The following KAT14 variants were observed in gnomAD, a reference collection of about 807,000 sequenced individuals.
The protein encoded by KAT14 is lysine acetyltransferase 14, also known as cysteine-rich protein 2-binding protein.
Under a neutral mutation model 78.4 loss-of-function variants are expected in KAT14, and 66 were observed. That is an observed-to-expected ratio of 0.84 (90% confidence interval 0.69 to 1.03). The LOEUF (loss-of-function observed/expected upper bound fraction) is 1.03. Among genes scored for constraint, KAT14 ranks in the 50% least tolerant of loss-of-function variants. The pLI, the probability that KAT14 is intolerant of heterozygous loss-of-function variation, is 0.00. For synonymous variants in KAT14, 344 were observed against 359.4 expected, an observed-to-expected ratio of 0.96 and a Z score of 0.48; for missense variants, 870 against 972.5, an observed-to-expected ratio of 0.89 and a Z score of 1.40.
intron 1 of KAT14, among the ~76,000 whole-genome samples, chr20:18,141,607 G>A (rs941164776): frequency 2.0e-5 from 3 of 152,196 alleles, no homozygotes; most frequent in African/African-American, 7.2e-5. Context: ...AACATTGGCC[G>A]GGTGCAGTGG....
chr20:18,157,738 G>A (rs2146408313), intron 4 of KAT14, among the ~76,000 whole-genome samples: 1 of 152,232 alleles, frequency 6.6e-6, no homozygotes, highest in Non-Finnish European at 1.5e-5. Context: ...ATTTCACTTA[G>A]CATAAGTGTC....
intron 7 of KAT14, among the ~76,000 whole-genome samples, chr20:18,170,720 G>A (rs188358667): frequency 1.4e-4 from 22 of 152,156 alleles, no homozygotes; most frequent in African/African-American, 5.1e-4. Flanking sequence ...ATTTTTTTTA[G>A]TAGAGACGGG....
chr20:18,145,794 T>A (rs1395884884), intron 3 of KAT14, among the ~76,000 whole-genome samples: 2 of 151,584 alleles, frequency 1.3e-5, no homozygotes, highest in African/African-American at 2.4e-5. Context: ...AAAAAAAAAA[T>A]ATATTCACTG....
At chr20:18,146,297 G>A (rs2037822550) in intron 3 of KAT14, among the ~76,000 whole-genome samples, 1 of 152,178 alleles carries the variant, frequency 6.6e-6, no homozygotes, top group African/African-American at 2.4e-5. Flanking sequence ...CCAGCACTTT[G>A]GGAGGCGGAG....
In KAT14 at chr20:18,162,724, A is replaced by C. The variant is rs1378080435; in HGVS notation, c.1447A>C (p.Met483Leu). 2 of 1,614,242 alleles carry C rather than the reference A, an allele frequency of 1.2e-6. No individual in the cohort carries two copies. Among genetic ancestry groups the C allele is most frequent in the South Asian group, 1.1e-5 (1 of 91,092 alleles). Reference sequence around the variant, plus strand: ...GGAAGCTTGTCCCGGTGCTGTTGCCATGACTCCGGAAGCTCGGAGACTGAA... The same window carrying C: ...GGAAGCTTGTCCCGGTGCTGTTGCCCTGACTCCGGAAGCTCGGAGACTGAA... ...RLEACPGAVA[M>L]TPEARRLKRK... The change falls in exon 7 of 11, where the codon ATG becomes CTG. Residue 483 changes from methionine to leucine, a missense_variant. Transcript: ENST00000688188.
chr20:18,141,588 T>C (rs77487223), intron 1 of KAT14, among the ~76,000 whole-genome samples: 5,180 of 152,280 alleles, frequency 0.034, 153 homozygotes, highest in African/African-American at 0.077. Context: ...AATTAAACTT[T>C]AAAAATTTAA....
chr20:18,171,866 G>T (rs377310803), intron 7 of KAT14, among the ~76,000 whole-genome samples: 1 of 152,090 alleles, frequency 6.6e-6, no homozygotes, highest in Non-Finnish European at 1.5e-5. Flanking sequence ...GCATGCTTCA[G>T]TGTTGTCTTA....
At chr20:18,176,580 A>T (rs1478830730) in intron 7 of KAT14, among the ~76,000 whole-genome samples, 3 of 152,208 alleles carry the variant, frequency 2.0e-5, no homozygotes. Context: ...AACTAAGTCC[A>T]CAAGGAGGAG....
chr20:18,147,402 A>G (rs996627843), intron 3 of KAT14, among the ~76,000 whole-genome samples: 1 of 152,194 alleles, frequency 6.6e-6, no homozygotes, highest in African/African-American at 2.4e-5. Flanking sequence ...GTAGATTTGT[A>G]TTTGTCCTGC....
chr20:18,177,905 A>T (rs1035156114), intron 7 of KAT14, among the ~76,000 whole-genome samples: 1 of 152,046 alleles, frequency 6.6e-6, no homozygotes, highest in Non-Finnish European at 1.5e-5. Flanking sequence ...AAACACATAA[A>T]ATCTACCAAG....
chr20:18,163,441 T>C (rs889203777), intron 7 of KAT14, among the ~76,000 whole-genome samples: 1 of 152,216 alleles, frequency 6.6e-6, no homozygotes, highest in Admixed American at 6.5e-5. Flanking sequence ...CTGGGAACAA[T>C]TAATTCCACT....
chr20:18,161,995 ATCT>A lies in KAT14; in HGVS notation c.859_861del (p.Ser287del), dbSNP rs1317777303. On this transcript the variant is annotated inframe_deletion, in exon 6 of 11. Coordinates refer to ENST00000688188, the MANE Select transcript of KAT14 (RefSeq NM_001392073.1). ...CCGCTGGCTTTCTTGACAGGAGCAC[ATCT>A]TCTACCCCTGTAAAATTCATAAGCC... The A allele has an allele frequency of 3.1e-6, 5 of 1,614,162 alleles. No homozygotes were observed. The African/African-American group carries it at 6.7e-5, about 22-fold the overall frequency.
intron 4 of KAT14, among the ~76,000 whole-genome samples, chr20:18,156,253 G>T (rs2038222335): frequency 6.6e-6 from 1 of 152,194 alleles, no homozygotes; most frequent in Non-Finnish European, 1.5e-5. Flanking sequence ...GGAATTGGGA[G>T]TTGTTTAACG....
At chr20:18,166,768 T>C (rs1421766232) in intron 7 of KAT14, among the ~76,000 whole-genome samples, 1 of 152,216 alleles carries the variant, frequency 6.6e-6, no homozygotes, top group East Asian at 1.9e-4. Flanking sequence ...TCCCTTGTTC[T>C]TAATGACTTC....
chr20:18,173,625 CTTT>C (rs11475865), intron 7 of KAT14, among the ~76,000 whole-genome samples: 31 of 139,956 alleles, frequency 2.2e-4, no homozygotes, highest in African/African-American at 5.8e-4. Context: ...ACCATTACTT[CTTT>C]TTTTTTTTTT....
chr20:18,145,067 T>C, intron 2 of KAT14, 166 bp from the exon 3 acceptor site: 2 of 1,403,620 alleles, frequency 1.4e-6, no homozygotes, highest in Non-Finnish European at 1.8e-6. Context: ...GTTAGAAGAA[T>C]AGAAATCTTT....
chr20:18,184,642 T>C lies in KAT14; in HGVS notation c.2022T>C (p.Ser674=). ...AGTGTCTGCAGTACCCAGACTTCAG[T>C]GTTGTTGTTCTTTATAAAAAAGTCA... is the stretch of plus-strand genomic sequence containing the variant. ...LSECLQYPDF[S]VVVLYKKVII... The change falls in exon 10 of 11, where the codon AGT becomes AGC. Residue 674 remains serine (S), a synonymous_variant. Coordinates refer to ENST00000688188, the MANE Select transcript of KAT14 (RefSeq NM_001392073.1). 6.2e-7 allele frequency: 1 copy of C among 1,613,856 alleles called. No individual in the cohort carries two copies. Among genetic ancestry groups the C allele is most frequent in the South Asian group, 1.1e-5 (1 of 91,026 alleles).
chr20:18,185,280 G>A (rs2039416499), intron 10 of KAT14, among the ~76,000 whole-genome samples: 1 of 152,132 alleles, frequency 6.6e-6, no homozygotes, highest in Non-Finnish European at 1.5e-5. Flanking sequence ...CACAATCATA[G>A]CTCACTGCAG....
At chr20:18,174,568 A>G (rs564741166) in intron 7 of KAT14, among the ~76,000 whole-genome samples, 16 of 151,744 alleles carry the variant, frequency 1.1e-4, no homozygotes, top group African/African-American at 1.7e-4. Context: ...TTTGATGACT[A>G]TTATACTTTA....
Sources: allele counts gnomAD v4.1 joint callset (sites outside exome capture counted in the v4.1 genomes callset), GRCh38; gene constraint gnomAD v4.1.1; transcripts MANE v1.5; gene names NCBI Gene and HGNC (gene_info 2026-07-23, HGNC 2026-07-21).